SMC6: variants seen among roughly 807,000 people sequenced by gnomAD.
The protein encoded by SMC6 is structural maintenance of chromosomes protein 6.
Under a neutral mutation model 142.2 loss-of-function variants are expected in SMC6, and 79 were observed. The observed-to-expected ratio is 0.56, with a 90% CI of 0.46 to 0.67. The LOEUF (loss-of-function observed/expected upper bound fraction) is 0.67, where lower values mean the gene tolerates loss of function less well. SMC6 is among the 30% of genes least tolerant of loss of function. SMC6 has a pLI of 0.00. For missense variants in SMC6, 1,072 were observed against 1,284.0 expected, an observed-to-expected ratio of 0.83 and a Z score of 2.52; for synonymous variants, 411 against 412.4, an observed-to-expected ratio of 1.00 and a Z score of 0.04.
intron 5 of SMC6, among the ~76,000 whole-genome samples, chr2:17,735,280 T>G (rs1468314708): frequency 1.3e-5 from 2 of 152,160 alleles, no homozygotes; most frequent in Non-Finnish European, 2.9e-5. Flanking sequence ...GAGATTTTTT[T>G]CAGAATGACA....
intron 23 of SMC6, among the ~76,000 whole-genome samples, chr2:17,689,802 G>A (rs1667621853): frequency 6.6e-6 from 1 of 152,164 alleles, no homozygotes; most frequent in Admixed American, 6.5e-5. Flanking sequence ...CAATGTAAAT[G>A]CTATGTAAAT....
intron 25 of SMC6, among the ~76,000 whole-genome samples, chr2:17,673,194 C>T (rs1329873290): frequency 2.0e-5 from 3 of 152,144 alleles, no homozygotes; most frequent in African/African-American, 7.2e-5. Context: ...CATTTAGATA[C>T]TTTAAAGTGG....
chr2:17,696,475 C>A (rs767822265), intron 21 of SMC6, 49 bp from the exon 22 acceptor site: 3 of 1,578,036 alleles, frequency 1.9e-6, no homozygotes. Context: ...AAATTTCCAG[C>A]ATAGGTATAA....
At chr2:17,700,090 A>G in intron 21 of SMC6, 118 bp downstream of exon 21, 1 of 573,060 alleles carries the variant, frequency 1.7e-6, no homozygotes. Flanking sequence ...CTTTATATTC[A>G]ATTTTTATGC....
intron 2 of SMC6, 85 bp from the exon 3 acceptor site, chr2:17,746,036 A>C: frequency 7.8e-7 from 1 of 1,279,674 alleles, no homozygotes; most frequent in East Asian, 2.8e-5. Context: ...AAGGCTAATT[A>C]AACTTTAGGT....
At chr2:17,677,818 TAA>T (rs1023687249) in intron 25 of SMC6, among the ~76,000 whole-genome samples, 1 of 151,958 alleles carries the variant, frequency 6.6e-6, no homozygotes, top group African/African-American at 2.4e-5. Context: ...AAAGAGAGAG[TAA>T]AAGTTAACTT....
chr2:17,709,602 A>C (rs1206815566), intron 16 of SMC6, among the ~76,000 whole-genome samples: 1 of 152,148 alleles, frequency 6.6e-6, no homozygotes, highest in African/African-American at 2.4e-5. Flanking sequence ...TTCAACACAT[A>C]TTTAGTGAGC....
At chr2:17,692,738 C>T (rs966562525) in intron 23 of SMC6, among the ~76,000 whole-genome samples, 2 of 152,102 alleles carry the variant, frequency 1.3e-5, no homozygotes, top group African/African-American at 4.8e-5. Flanking sequence ...TTCTGCACAG[C>T]AAAAGAAACT....
chr2:17,734,344 A>G (rs1228072897), intron 5 of SMC6, among the ~76,000 whole-genome samples: 3 of 152,194 alleles, frequency 2.0e-5, no homozygotes. Flanking sequence ...GTTTTTCTAT[A>G]AAAACAATAT....
chr2:17,748,038 G>A (rs1456709497), intron 2 of SMC6, among the ~76,000 whole-genome samples: 2 of 152,138 alleles, frequency 1.3e-5, no homozygotes, highest in East Asian at 3.8e-4. Flanking sequence ...GCAGCTACAG[G>A]GGGATACTAA....
intron 19 of SMC6, 117 bp from the exon 20 acceptor site, chr2:17,702,026 T>C: frequency 1.7e-6 from 1 of 605,376 alleles, no homozygotes; most frequent in Non-Finnish European, 2.9e-6. Context: ...ATTCCATAAT[T>C]AATGAAAGGG....
chr2:17,719,069 G>C (rs1025898587), intron 11 of SMC6, among the ~76,000 whole-genome samples: 2 of 152,092 alleles, frequency 1.3e-5, no homozygotes, highest in African/African-American at 2.4e-5. Flanking sequence ...TATTTCGATC[G>C]GGGTCAGCAA....
chr2:17,697,294 A>C (rs1668050465), intron 21 of SMC6, among the ~76,000 whole-genome samples: 1 of 152,064 alleles, frequency 6.6e-6, no homozygotes, highest in Non-Finnish European at 1.5e-5. Flanking sequence ...TACTGTATTT[A>C]TACAAAAACA....
intron 2 of SMC6, among the ~76,000 whole-genome samples, chr2:17,752,412 C>T (rs957176787): frequency 6.6e-6 from 1 of 152,036 alleles, no homozygotes; most frequent in African/African-American, 2.4e-5. Flanking sequence ...ATTTTCAGTC[C>T]CTTGATTGAG....
At chr2:17,707,643 T>G (rs1668615648) in intron 17 of SMC6, among the ~76,000 whole-genome samples, 1 of 152,260 alleles carries the variant, frequency 6.6e-6, no homozygotes, top group Non-Finnish European at 1.5e-5. Flanking sequence ...TAAATTCACA[T>G]ATTGCTATCT....
intron 26 of SMC6, 100 bp from the exon 27 acceptor site, chr2:17,666,617 A>G (rs1666507635): frequency 1.2e-6 from 1 of 802,218 alleles, no homozygotes; most frequent in Non-Finnish European, 2.1e-6. Context: ...ATTTTCATCC[A>G]GGGATCAGTC....
intron 23 of SMC6, among the ~76,000 whole-genome samples, chr2:17,694,040 AT>A (rs763926203): frequency 9.3e-5 from 14 of 151,038 alleles, no homozygotes; most frequent in Non-Finnish European, 1.8e-4. Context: ...AAATCCTGTC[AT>A]TTACAGCAAC....
intron 27 of SMC6, among the ~76,000 whole-genome samples, chr2:17,666,094 G>A (rs1037586232): frequency 6.6e-6 from 1 of 152,070 alleles, no homozygotes; most frequent in East Asian, 1.9e-4. Context: ...AGAGAAAAGA[G>A]GCAAGATTAG....
rs1668554138 is a variant in SMC6 at position 17,707,278 on chromosome 2, A to G, written c.1947T>C (p.Tyr649=). 2 of 1,603,104 alleles carry G rather than the reference A, an allele frequency of 1.2e-6. No individual in the cohort carries two copies. Among genetic ancestry groups the G allele is most frequent in the African/African-American group, 1.3e-5 (1 of 74,368 alleles). The change falls in exon 18 of 28, where the codon TAT becomes TAC. Residue 649 remains tyrosine, a synonymous_variant. Coordinates refer to ENST00000448223, the MANE Select transcript of SMC6 (RefSeq NM_001142286.2). ...TAGGTCTTGTATTTTCAGATGAATA[A>G]TAACGTCCTGCAAAAACTTGATCAC... The part of the protein sequence containing the change: ...ADGDQVFAGR[Y]YSSENTRPKF...
Sources: gnomAD v4.1 joint callset for allele counts (sites outside exome capture counted in the v4.1 genomes callset) on GRCh38, gnomAD v4.1.1 for gene constraint, MANE v1.5 for transcripts, NCBI Gene and HGNC (gene_info 2026-07-23, HGNC 2026-07-21) for gene names.